UGT1A10: variants seen among roughly 807,000 people sequenced by gnomAD.
UGT1A10 encodes the protein UDP-glucuronosyltransferase 1A10.
A neutral mutation model predicts 45.8 loss-of-function variants in UGT1A10; 49 were observed. The ratio of observed to expected loss-of-function variants is 1.07; its 90% CI spans 0.85 to 1.36. The LOEUF is 1.36. Among genes scored for constraint, UGT1A10 ranks in the 40% most tolerant of loss-of-function variants. UGT1A10 has a pLI of 0.00. For missense variants in UGT1A10, 745 were observed against 668.6 expected (o/e 1.11, Z -1.26); for synonymous variants, 284 against 249.7 (o/e 1.14, Z -1.29).
chr2:233,741,332 A>G (rs1691632779), intron 1 of UGT1A10, among the ~76,000 whole-genome samples: 1 of 151,816 alleles, frequency 6.6e-6, no homozygotes, highest in South Asian at 2.1e-4. Context: ...CTCTACCCAG[A>G]GTAGTGATTT....
chr2:233,669,119 T>C (rs2074132416), intron 1 of UGT1A10, among the ~76,000 whole-genome samples: 1 of 152,248 alleles, frequency 6.6e-6, no homozygotes, highest in Non-Finnish European at 1.5e-5. Flanking sequence ...CAGAATTGCC[T>C]GTGCACCTTT....
intron 1 of UGT1A10, among the ~76,000 whole-genome samples, chr2:233,724,739 C>T (rs1254831303): frequency 5.5e-5 from 8 of 144,282 alleles, no homozygotes; most frequent in African/African-American, 1.6e-4. Flanking sequence ...AGAGGGGCTC[C>T]TCACATCCCA....
chr2:233,693,020 C>A lies in UGT1A10; in HGVS notation c.855+55643C>A, dbSNP rs546429827. ...TCTTTCCAGGATGGCCTGCCTCCTT[C>A]GCTCATTTCAGAGAATTTCTGCAGG... On this transcript the variant is annotated intron_variant, in intron 1 of 4. Transcript: ENST00000344644. 8 of 1,614,146 alleles carry A rather than the reference C, an allele frequency of 5.0e-6. No individual in the cohort carries two copies. The South Asian group carries it at 7.7e-5, about 16-fold the overall frequency.
In UGT1A10 at chr2:233,730,399, T is replaced by C. The variant is rs371215104; in HGVS notation, c.856-36635T>C. On this transcript the variant is annotated intron_variant, in intron 1 of 4. Coordinates refer to ENST00000344644, the MANE Select transcript of UGT1A10 (RefSeq NM_019075.4). ...GGGGAAAGATGATGCAACAGTAAAT[T>C]ACAATTGTTGACATGATAATTTTTA... Among the ~76,000 whole-genome samples, 4 of 152,338 alleles carry C rather than the reference T, an allele frequency of 2.6e-5. No individual in the cohort carries two copies. In the East Asian group the frequency reaches 7.7e-4, roughly 29 times the overall value.
At chr2:233,685,374 T>A (rs1452490457) in intron 1 of UGT1A10, among the ~76,000 whole-genome samples, 1 of 152,178 alleles carries the variant, frequency 6.6e-6, no homozygotes, top group Non-Finnish European at 1.5e-5. Flanking sequence ...TCACTTCCAC[T>A]TTTCTTGACT....
At position 233,767,893 on chromosome 2, in the gene UGT1A10, CA is replaced by C. The variant is rs745655794; in HGVS notation, c.1034del (p.Asn345ThrfsTer18). ...TGTRPSNLAN[N>X]TILVKWLPQN... ...GAACCCGACCATCGAATCTTGCGAA[CA>C]ACACGATACTTGTTAAGTGGCTACC... On this transcript the variant is annotated frameshift_variant, in exon 3 of 5. Coordinates refer to ENST00000344644, the MANE Select transcript of UGT1A10 (RefSeq NM_019075.4). LOFTEE classifies it high-confidence loss of function. The C allele has an allele frequency of 3.1e-6, 5 of 1,614,158 alleles. No individual in the cohort carries two copies. In the South Asian group the frequency reaches 5.5e-5, roughly 18 times the overall value.
chr2:233,643,200 G>A (rs1365475481), intron 1 of UGT1A10, among the ~76,000 whole-genome samples: 2 of 152,202 alleles, frequency 1.3e-5, no homozygotes, highest in East Asian at 3.9e-4. Flanking sequence ...AGGGACTAGA[G>A]TCAAAAACCT....
rs927905587 is a variant in UGT1A10 at position 233,772,883 on chromosome 2, C to G, written c.*324C>G. The G allele has an allele frequency of 7.2e-6, 4 of 557,122 alleles. No homozygotes were observed. Among genetic ancestry groups the G allele is most frequent in the Admixed American group, 7.5e-5 (2 of 26,828 alleles). 34.5% of individuals were successfully genotyped at this position (557,122 alleles called of 1,614,324 possible). Reference sequence around the variant, plus strand: ...ATGGCCTGTTTGGGAGTGCGGGATTCAAAGGTGGTCCCACGGCTGCCCCTA... The same window carrying G: ...ATGGCCTGTTTGGGAGTGCGGGATTGAAAGGTGGTCCCACGGCTGCCCCTA... On this transcript the variant is annotated 3_prime_UTR_variant, in exon 5 of 5. Transcript: ENST00000344644.
At chr2:233,747,194 T>C in intron 1 of UGT1A10, 2 of 1,604,420 alleles carry the variant, frequency 1.2e-6, no homozygotes, top group Non-Finnish European at 1.7e-6. Context: ...GACAGTCAGC[T>C]GTCCGTGTCT....
intron 1 of UGT1A10, among the ~76,000 whole-genome samples, chr2:233,675,835 A>T (rs1230851345): frequency 1.3e-5 from 2 of 152,196 alleles, no homozygotes; most frequent in African/African-American, 2.4e-5. Flanking sequence ...ATCACTGAAC[A>T]ATTCATTTAA....
chr2:233,650,591 C>A (rs2073714402), intron 1 of UGT1A10, among the ~76,000 whole-genome samples: 1 of 152,162 alleles, frequency 6.6e-6, no homozygotes, highest in Admixed American at 6.5e-5. Context: ...TTGTAAACTG[C>A]AAATTTCTTT....
At position 233,637,296 on chromosome 2, in the gene UGT1A10, T is replaced by A; in HGVS notation, c.774T>A (p.Val258=). 6.2e-7 allele frequency: 1 copy of A among 1,613,996 alleles called. No individual in the cohort carries two copies. Among genetic ancestry groups the A allele is most frequent in the Non-Finnish European group, 8.5e-7 (1 of 1,179,862 alleles). The change falls in exon 1 of 5, where the codon GTT becomes GTA. Residue 258 remains valine, a synonymous_variant. Coordinates refer to ENST00000344644, the MANE Select transcript of UGT1A10 (RefSeq NM_019075.4). ...TSIWLLRTDF[V]LDYPKPVMPN... ...TTTGGTTGTTGCGAACGGACTTTGT[T>A]TTGGACTATCCCAAACCCGTGATGC...
chr2:233,698,637 A>G (rs539237252), intron 1 of UGT1A10, among the ~76,000 whole-genome samples: 1 of 152,378 alleles, frequency 6.6e-6, no homozygotes, highest in Admixed American at 6.5e-5. Flanking sequence ...CTAACAGGTT[A>G]GTAAGCATGC....
chr2:233,646,459 T>C (rs570230502), intron 1 of UGT1A10, among the ~76,000 whole-genome samples: 2 of 152,362 alleles, frequency 1.3e-5, no homozygotes, highest in African/African-American at 4.8e-5. Flanking sequence ...CAAACCTTTA[T>C]GCTCTGTTTC....
chr2:233,713,030 C>T, intron 1 of UGT1A10: 1 of 1,613,910 alleles, frequency 6.2e-7, no homozygotes, highest in Non-Finnish European at 8.5e-7. Context: ...CGCAGCTGGC[C>T]ACAGGACTGC....
At chr2:233,664,428 C>T (rs2074034318) in intron 1 of UGT1A10, among the ~76,000 whole-genome samples, 1 of 152,082 alleles carries the variant, frequency 6.6e-6, no homozygotes, top group South Asian at 2.1e-4. Context: ...CATTACGTTG[C>T]CATAAAGGAA....
chr2:233,729,231 C>T (rs777258735), intron 1 of UGT1A10: 1 of 1,614,178 alleles, frequency 6.2e-7, no homozygotes, highest in East Asian at 2.2e-5. Context: ...TGGTGGTGCC[C>T]ATTGATGGCA....
chr2:233,695,707 A>C (rs767200635), intron 1 of UGT1A10, among the ~76,000 whole-genome samples: 1 of 152,126 alleles, frequency 6.6e-6, no homozygotes, highest in African/African-American at 2.4e-5. Context: ...TTCACCTAAC[A>C]TAATGACTTC....
intron 1 of UGT1A10, among the ~76,000 whole-genome samples, chr2:233,710,808 C>A (rs1646054094): frequency 6.6e-6 from 1 of 152,170 alleles, no homozygotes; most frequent in Non-Finnish European, 1.5e-5. Flanking sequence ...CCCTCGTGCC[C>A]TATCTAAGGA....
Sources: allele counts gnomAD v4.1 joint callset (sites outside exome capture counted in the v4.1 genomes callset), GRCh38; gene constraint gnomAD v4.1.1; transcripts MANE v1.5; gene names NCBI Gene and HGNC (gene_info 2026-07-23, HGNC 2026-07-21).